The following ZNF248 variants were observed in gnomAD, a reference collection of about 807,000 sequenced individuals.
ZNF248 encodes the protein KRAB protein domain.
ZNF248 carries 20 observed loss-of-function variants against 44.3 expected under a neutral mutation model. That is an observed-to-expected ratio of 0.45 (90% CI 0.32 to 0.66). ZNF248 has a LOEUF of 0.66. Among genes scored for constraint, ZNF248 ranks in the 30% least tolerant of loss-of-function variants. The probability of loss-of-function intolerance (pLI) is 0.04; values close to 1 mark genes in which losing one functional copy is unlikely to be tolerated. For synonymous variants in ZNF248, 224 were observed against 229.0 expected (o/e 0.98, Z 0.20); for missense variants, 654 against 677.0 (o/e 0.97, Z 0.38).
chr10:37,837,910 T>G (rs1289541085), intron 4 of ZNF248, 75 bp downstream of exon 4: 2 of 1,557,710 alleles, frequency 1.3e-6, no homozygotes, highest in Non-Finnish European at 1.7e-6. Flanking sequence ...TCTCAAGCTT[T>G]ACATCAGAAA....
intron 3 of ZNF248, among the ~76,000 whole-genome samples, chr10:37,852,433 GATT>G (rs1463949945): frequency 1.3e-5 from 2 of 152,098 alleles, no homozygotes; most frequent in Non-Finnish European, 2.9e-5. Flanking sequence ...GACAGAAACA[GATT>G]AGTAGGTTGC....
At chr10:37,793,157 C>T (rs1000116344) in intron 6 of ZNF248, among the ~76,000 whole-genome samples, 1 of 151,886 alleles carries the variant, frequency 6.6e-6, no homozygotes, top group Non-Finnish European at 1.5e-5. Flanking sequence ...CATGGTGAAA[C>T]CCCATCTCTA....
chr10:37,793,374 A>G lies in ZNF248; in HGVS notation c.331-16799T>C, dbSNP rs138527988. 7.9e-5 allele frequency among the ~76,000 whole-genome samples: 12 copies of G among 152,286 alleles called. No homozygotes were observed. In the East Asian group the frequency reaches 2.3e-3, roughly 29 times the overall value. Reference sequence around the variant, plus strand: ...AAAAATAAAACTTTTATTTCAATAAAGCAGATGGAAACATAAACAAACACA... The same window carrying G: ...AAAAATAAAACTTTTATTTCAATAAGGCAGATGGAAACATAAACAAACACA... On this transcript the variant is annotated intron_variant, in intron 6 of 6. Coordinates refer to the ZNF248 transcript ENST00000615949.
chr10:37,778,780 G>C (rs1285153918), intron 6 of ZNF248, among the ~76,000 whole-genome samples: 2 of 151,538 alleles, frequency 1.3e-5, no homozygotes, highest in East Asian at 1.9e-4. Flanking sequence ...GACTAATAAA[G>C]AAAAAAAGAG....
downstream of ZNF248, chr10:37,828,633 A>G: frequency 1.0e-6 from 1 of 964,736 alleles, no homozygotes; most frequent in Non-Finnish European, 1.2e-6. Context: ...GATCACAATG[A>G]CATGTTCTAT....
At chr10:37,760,036 TG>T in the ZNF248 span, among the ~76,000 whole-genome samples, 4 of 152,166 alleles carry the variant, frequency 2.6e-5, no homozygotes, top group Non-Finnish European at 5.9e-5. Flanking sequence ...AGGTGCAATC[TG>T]AGTCCCAATC....
chr10:37,804,692 T>C (rs2050309158), intron 6 of ZNF248, among the ~76,000 whole-genome samples: 1 of 152,188 alleles, frequency 6.6e-6, no homozygotes, highest in Non-Finnish European at 1.5e-5. Context: ...TCACCCTGCC[T>C]AGGTCGCCCA....
At chr10:37,766,491 C>T in the ZNF248 span, among the ~76,000 whole-genome samples, 1 of 152,174 alleles carries the variant, frequency 6.6e-6, no homozygotes, top group African/African-American at 2.4e-5. Flanking sequence ...CTGCAGCCAC[C>T]ACTGCTGATA....
intron 6 of ZNF248, among the ~76,000 whole-genome samples, chr10:37,821,830 A>C (rs2053519580): frequency 6.6e-6 from 1 of 152,090 alleles, no homozygotes; most frequent in African/African-American, 2.4e-5. Context: ...AGCTAATCTC[A>C]CCTTCTTTTC....
intron 3 of ZNF248, among the ~76,000 whole-genome samples, chr10:37,855,491 T>A (rs897619769): frequency 6.6e-6 from 1 of 151,780 alleles, no homozygotes; most frequent in Non-Finnish European, 1.5e-5. Context: ...AGAACCTAAG[T>A]AGGCTAAGGA....
chr10:37,766,378 C>T, the ZNF248 span, among the ~76,000 whole-genome samples: 6 of 152,210 alleles, frequency 3.9e-5, no homozygotes, highest in African/African-American at 1.2e-4. Flanking sequence ...AGACTGACAC[C>T]TCACATGGCC....
At chr10:37,793,878 T>C (rs2048840280) in intron 6 of ZNF248, among the ~76,000 whole-genome samples, 1 of 152,204 alleles carries the variant, frequency 6.6e-6, no homozygotes, top group African/African-American at 2.4e-5. Flanking sequence ...TGACATTTCT[T>C]TTTAATATGT....
downstream of ZNF248, among the ~76,000 whole-genome samples, chr10:37,772,041 C>A (rs957025515): frequency 6.6e-6 from 1 of 152,054 alleles, no homozygotes; most frequent in East Asian, 1.9e-4. Context: ...CCAAGGCAGG[C>A]GGATCACGAT....
chr10:37,775,559 G>A (rs945211243), downstream of ZNF248: 1 of 152,176 alleles, frequency 6.6e-6, no homozygotes, highest in Non-Finnish European at 1.5e-5. Flanking sequence ...GAGCCATGAT[G>A]AGTGAGAATT....
At chr10:37,843,326 G>A (rs956694680) in intron 3 of ZNF248, among the ~76,000 whole-genome samples, 1 of 151,658 alleles carries the variant, frequency 6.6e-6, no homozygotes, top group East Asian at 1.9e-4. Context: ...AAGGGAGGCT[G>A]ATGTAGGAGA....
chr10:37,779,677 G>A (rs2047042913), intron 6 of ZNF248, among the ~76,000 whole-genome samples: 2 of 151,850 alleles, frequency 1.3e-5, no homozygotes, highest in Non-Finnish European at 2.9e-5. Flanking sequence ...CAATTAGGCA[G>A]GAGAAGAAAA....
chr10:37,759,879 C>CTT, the ZNF248 span, among the ~76,000 whole-genome samples: 6 of 152,196 alleles, frequency 3.9e-5, no homozygotes, highest in Non-Finnish European at 7.3e-5. Context: ...GATGAGGCTT[C>CTT]CATTTGCTGG....
chr10:37,829,183 A>G lies in ZNF248; in HGVS notation c.*2432T>C, dbSNP rs2133823955. ...TGGCACCACAGTTCTGGTAGTAATG[A>G]TGTCTCTTACAAGGTGGCCCCTCCT... On this transcript the variant is annotated 3_prime_UTR_variant, in exon 6 of 6. Transcript: ENST00000395867. The G allele has an allele frequency of 1.0e-6, 1 of 985,424 alleles. No individual in the cohort carries two copies. The highest frequency in any genetic ancestry group is 1.7e-5 in the African/African-American group (1 of 57,346). The allele number at this position is 985,424 out of a possible 1,614,324, so 61.0% of individuals were successfully genotyped here.
chr10:37,825,987 G>A, downstream of ZNF248, among the ~76,000 whole-genome samples: 1 of 151,996 alleles, frequency 6.6e-6, no homozygotes, highest in East Asian at 1.9e-4. Context: ...ATGTTCATTT[G>A]TAAGAGTAAA....
Sources: allele counts gnomAD v4.1 joint callset (sites outside exome capture counted in the v4.1 genomes callset), GRCh38; gene constraint gnomAD v4.1.1; transcripts MANE v1.5; gene names NCBI Gene and HGNC (gene_info 2026-07-23, HGNC 2026-07-21).